SPATA9: variants seen among roughly 807,000 people sequenced by gnomAD.
SPATA9 encodes the protein spermatogenesis associated 9.
SPATA9 carries 27 observed loss-of-function variants against 25.5 expected under a neutral mutation model. That is an observed-to-expected ratio of 1.06 (90% CI 0.78 to 1.46). SPATA9 has a LOEUF of 1.46. Among genes scored for constraint, SPATA9 ranks in the 40% most tolerant of loss-of-function variants. SPATA9 has a pLI of 0.00. For synonymous variants in SPATA9, 102 were observed against 105.7 expected, an observed-to-expected ratio of 0.97 and a Z score of 0.21; for missense variants, 282 against 297.5, an observed-to-expected ratio of 0.95 and a Z score of 0.38.
the SPATA9 span, chr5:95,732,061 G>C: frequency 6.2e-7 from 1 of 1,614,228 alleles, no homozygotes; most frequent in South Asian, 1.1e-5. Context: ...TGTCAAGCTG[G>C]TGGTCCACGA....
upstream of SPATA9, among the ~76,000 whole-genome samples, chr5:95,702,468 A>G (rs1754203066): frequency 6.6e-6 from 1 of 152,150 alleles, no homozygotes; most frequent in South Asian, 2.1e-4. Context: ...TTACTCTACC[A>G]CTCAGCTGCC....
exon 9 of SPATA9, chr5:95,653,066 T>C: frequency 3.2e-6 from 5 of 1,547,944 alleles, no homozygotes; most frequent in Non-Finnish European, 4.4e-6. Context: ...CTGGAACACA[T>C]TCACCAAGAC....
chr5:95,707,134 G>A, the SPATA9 span, among the ~76,000 whole-genome samples: 8 of 152,128 alleles, frequency 5.3e-5, no homozygotes, highest in African/African-American at 1.9e-4. Context: ...AAGAATAAAA[G>A]TGAAATGAAA....
At chr5:95,681,001 C>T (rs546622162) in intron 2 of SPATA9, among the ~76,000 whole-genome samples, 3 of 152,230 alleles carry the variant, frequency 2.0e-5, no homozygotes, top group African/African-American at 7.2e-5. Flanking sequence ...CTAAATATCT[C>T]TTGTGCTCAA....
At chr5:95,675,720 C>G (rs1752867356) in intron 2 of SPATA9, 81 bp from the exon 3 acceptor site, 1 of 1,103,920 alleles carries the variant, frequency 9.1e-7, no homozygotes. Flanking sequence ...AGACTGACTA[C>G]TATATAACTA....
At chr5:95,701,422 T>A (rs1046116944), upstream of SPATA9, 4 of 126,560 alleles carry the variant, frequency 3.2e-5, no homozygotes, top group African/African-American at 1.3e-4. Flanking sequence ...ACAAAAAATC[T>A]ACCATTTTTT....
chr5:95,680,346 G>A (rs535543944), intron 2 of SPATA9, among the ~76,000 whole-genome samples: 1 of 152,316 alleles, frequency 6.6e-6, no homozygotes, highest in South Asian at 2.1e-4. Context: ...GGGGTTCCAC[G>A]TAAGTAAATT....
chr5:95,669,746 T>G (rs1580311091), intron 3 of SPATA9, among the ~76,000 whole-genome samples: 3 of 152,172 alleles, frequency 2.0e-5, no homozygotes, highest in African/African-American at 7.2e-5. Flanking sequence ...CACTGCAGCC[T>G]AGAGCAGCTG....
At chr5:95,687,766 T>C (rs550112693), upstream of SPATA9, among the ~76,000 whole-genome samples, 92 of 152,274 alleles carry the variant, frequency 6.0e-4, no homozygotes, top group Non-Finnish European at 7.8e-4. Context: ...GTTGGTTAGA[T>C]GGTAGGAAGC....
chr5:95,707,441 C>T, the SPATA9 span, among the ~76,000 whole-genome samples: 2 of 151,414 alleles, frequency 1.3e-5, no homozygotes, highest in Admixed American at 6.6e-5. Flanking sequence ...CTCTCGGCCC[C>T]GAGGAAGGGG....
At chr5:95,675,808 T>C (rs1752878312) in intron 2 of SPATA9, among the ~76,000 whole-genome samples, 169 bp from the exon 3 acceptor site, 1 of 148,678 alleles carries the variant, frequency 6.7e-6, no homozygotes, top group Non-Finnish European at 1.5e-5. Flanking sequence ...TTCCCTGCCA[T>C]GTACTTAAAC....
chr5:95,656,188 G>A, downstream of SPATA9: 2 of 1,614,000 alleles, frequency 1.2e-6, no homozygotes, highest in South Asian at 2.2e-5. Context: ...ATAAAGCAAA[G>A]GATTCACACA....
Position 95,667,316 on chromosome 5 carries a change from G to T in SPATA9, c.379-3268C>A, listed in dbSNP as rs527793649. 1.1e-4 allele frequency among the ~76,000 whole-genome samples: 17 copies of T among 151,392 alleles called. No individual in the cohort carries two copies. The South Asian group carries it at 1.5e-3, about 13-fold the overall frequency. Reference sequence around the variant, plus strand: ...AGGATCTAGCCTAGTAGCTAAGAGTGGGGGGGTGGGGGTGCTGGGGGTTGG... The same window carrying T: ...AGGATCTAGCCTAGTAGCTAAGAGTTGGGGGGTGGGGGTGCTGGGGGTTGG... On this transcript the variant is annotated intron_variant, in intron 3 of 4. Transcript: ENST00000274432.
the SPATA9 span, among the ~76,000 whole-genome samples, chr5:95,706,056 C>T: frequency 6.6e-6 from 1 of 152,178 alleles, no homozygotes; most frequent in East Asian, 1.9e-4. Context: ...TGGACCTCCT[C>T]CCACTCCCAG....
chr5:95,705,403 A>G, the SPATA9 span, among the ~76,000 whole-genome samples: 3 of 152,222 alleles, frequency 2.0e-5, no homozygotes, highest in Non-Finnish European at 4.4e-5. Context: ...TAAGTATTTC[A>G]TTCATGAAAT....
chr5:95,655,836 G>A, downstream of SPATA9: 2 of 502,200 alleles, frequency 4.0e-6, no homozygotes, highest in South Asian at 6.8e-5. Context: ...TCTTCTGATA[G>A]AGCTCTAACT....
the SPATA9 span, chr5:95,731,778 TC>T: frequency 8.1e-6 from 13 of 1,603,310 alleles, no homozygotes; most frequent in Middle Eastern, 1.5e-3. Flanking sequence ...CCGCGCGCTG[TC>T]CCCCGCACTT....
chr5:95,682,548 T>A lies in SPATA9; in HGVS notation c.130A>T (p.Arg44Ter). 1 of 1,612,380 alleles carries A rather than the reference T, an allele frequency of 6.2e-7. No individual in the cohort carries two copies. The highest frequency in any genetic ancestry group is 1.1e-5 in the South Asian group (1 of 90,900). Residue 44 changes from arginine to a stop codon, truncating the protein, a stop_gained, in exon 2 of 5, where the codon AGA becomes TGA. Transcript: ENST00000274432. LOFTEE classifies it high-confidence loss of function. ...ATTACCTGATTAGACTGTGATAATC[T>A]TAGGATGGTGGGAAATTCATCTTTA... ...EFKDEFPTIL[R>*]LSQSNQKREP...
chr5:95,709,263 C>T, the SPATA9 span, among the ~76,000 whole-genome samples: 34,618 of 152,034 alleles, frequency 0.23, 4,195 homozygotes, highest in East Asian at 0.5. Flanking sequence ...AGACTGTAGG[C>T]ACTGCAATAA....
Sources: allele counts gnomAD v4.1 joint callset (sites outside exome capture counted in the v4.1 genomes callset), GRCh38; gene constraint gnomAD v4.1.1; transcripts MANE v1.5; gene names NCBI Gene and HGNC (gene_info 2026-07-23, HGNC 2026-07-21).